The following ACSS3 variants were observed in gnomAD, a reference collection of about 807,000 sequenced individuals.
ACSS3 encodes the protein acyl-CoA synthetase short chain family member 3.
ACSS3 carries 64 observed loss-of-function variants against 84.2 expected under a neutral mutation model. The ratio of observed to expected loss-of-function variants is 0.76; its 90% CI spans 0.62 to 0.94. The LOEUF (loss-of-function observed/expected upper bound fraction) is 0.94, where lower values mean the gene tolerates loss of function less well. Ranked by LOEUF, ACSS3 falls within the 40% of genes least tolerant of loss-of-function variation. The pLI, the probability that ACSS3 is intolerant of heterozygous loss-of-function variation, is 0.00. For synonymous variants in ACSS3, 317 were observed against 310.1 expected (o/e 1.02, Z -0.23); for missense variants, 815 against 867.6 (o/e 0.94, Z 0.76).
chr12:81,123,019 A>C (rs1325301291), intron 2 of ACSS3, among the ~76,000 whole-genome samples: 1 of 152,082 alleles, frequency 6.6e-6, no homozygotes, highest in East Asian at 1.9e-4. Flanking sequence ...TGGCCACCCA[A>C]CTGCTTAACA....
chr12:81,078,133 T>A lies in ACSS3; in HGVS notation c.13T>A (p.Trp5Arg). The A allele has an allele frequency of 3.4e-6, 5 of 1,489,158 alleles. No homozygotes were observed. Among genetic ancestry groups the A allele is most frequent in the Non-Finnish European group, 4.5e-6 (5 of 1,122,674 alleles). The allele number at this position is 1,489,158 out of a possible 1,614,324, so 92.2% of individuals were successfully genotyped here. A position where few individuals can be genotyped will look rare whatever the true frequency, so the allele number is the denominator to read the frequency against. Residue 5 changes from tryptophan (W) to arginine (R), a missense_variant, in exon 1 of 16, where the codon TGG becomes AGG. Coordinates refer to ENST00000548058, the MANE Select transcript of ACSS3 (RefSeq NM_024560.4). Reference sequence around the variant, plus strand: ...GTGGCCGGAGGAGATGAAACCGTCTTGGCTGCAGTGTCGTAAAGTCACCAG... The same window carrying A: ...GTGGCCGGAGGAGATGAAACCGTCTAGGCTGCAGTGTCGTAAAGTCACCAG... MKPSWLQCRKVTSAG... is the reference protein window; with the variant it reads MKPSRLQCRKVTSAG...
intron 2 of ACSS3, among the ~76,000 whole-genome samples, chr12:81,131,307 C>T (rs1354095199): frequency 6.6e-6 from 1 of 152,092 alleles, no homozygotes; most frequent in African/African-American, 2.4e-5. Flanking sequence ...TTTTGTTGAG[C>T]AGTGGTTTGT....
At chr12:81,157,975 C>G (rs1192785376) in intron 7 of ACSS3, among the ~76,000 whole-genome samples, 1 of 146,308 alleles carries the variant, frequency 6.8e-6, no homozygotes, top group African/African-American at 2.6e-5. Context: ...CACACAAATC[C>G]CATAACTAAT....
chr12:81,121,922 T>TATTA (rs1230535626), intron 2 of ACSS3, among the ~76,000 whole-genome samples: 2 of 66,976 alleles, frequency 3.0e-5, no homozygotes, highest in African/African-American at 6.1e-5. Flanking sequence ...GCTATATTAT[T>TATTA]ATTATTATTA....
rs1355503388 is a variant in ACSS3, at chr12:81,257,011, AGAGT to A, written c.*2090_*2093del. ...GTGTTTCCTTATTTTTTTTCAAATAAGAGTCAGTTAATTTGAAATGGCAAATTAT... is the reference window on the plus strand; with the variant it reads ...GTGTTTCCTTATTTTTTTTCAAATAACAGTTAATTTGAAATGGCAAATTAT... On this transcript the variant is annotated 3_prime_UTR_variant, in exon 16 of 16. Transcript: ENST00000548058. 1 of 152,040 alleles carries A rather than the reference AGAGT, an allele frequency of 6.6e-6. No homozygotes were observed. The highest frequency in any genetic ancestry group is 1.5e-5 in the Non-Finnish European group (1 of 67,998). 9.4% of individuals were successfully genotyped at this position (152,040 alleles called of 1,614,324 possible).
intron 2 of ACSS3, among the ~76,000 whole-genome samples, chr12:81,120,970 T>C (rs1439612090): frequency 6.6e-6 from 1 of 152,216 alleles, no homozygotes; most frequent in Non-Finnish European, 1.5e-5. Flanking sequence ...GTTTGTTTTG[T>C]TTATTAGTTA....
chr12:81,196,342 A>G (rs1014700227), intron 8 of ACSS3, among the ~76,000 whole-genome samples: 4 of 152,144 alleles, frequency 2.6e-5, no homozygotes, highest in African/African-American at 9.7e-5. Flanking sequence ...GGCAAGTCCA[A>G]TTTGAGATTT....
chr12:81,084,472 A>C (rs1881191302), intron 1 of ACSS3, among the ~76,000 whole-genome samples: 1 of 152,218 alleles, frequency 6.6e-6, no homozygotes, highest in Non-Finnish European at 1.5e-5. Context: ...TCTGACTTAA[A>C]TGTCCAGATG....
chr12:81,134,528 G>A (rs2574734), intron 2 of ACSS3, among the ~76,000 whole-genome samples: 132,239 of 152,106 alleles, frequency 0.87, 59,007 homozygotes, highest in Non-Finnish European at 0.97. Context: ...TATGTCTGGT[G>A]TATAATAGTT....
chr12:81,173,518 A>T (rs1374025116), intron 7 of ACSS3, among the ~76,000 whole-genome samples: 2 of 151,640 alleles, frequency 1.3e-5, no homozygotes, highest in Non-Finnish European at 2.9e-5. Flanking sequence ...TAAAAATAAT[A>T]AAAAAATAGT....
intron 9 of ACSS3, among the ~76,000 whole-genome samples, chr12:81,211,364 C>T (rs1377456440): frequency 6.6e-6 from 1 of 152,108 alleles, no homozygotes; most frequent in East Asian, 1.9e-4. Context: ...GTAATAATCA[C>T]ATCATGTCAA....
chr12:81,139,100 C>A (rs774943167), intron 3 of ACSS3, 31 bp from the exon 4 acceptor site: 1 of 1,600,680 alleles, frequency 6.2e-7, no homozygotes, highest in South Asian at 1.1e-5. Context: ...ATTGTTAAAG[C>A]TTTCTCTCCA....
intron 1 of ACSS3, among the ~76,000 whole-genome samples, chr12:81,106,052 G>A (rs141983688): frequency 4.6e-4 from 70 of 152,260 alleles, no homozygotes; most frequent in Admixed American, 1.9e-3. Context: ...TAGATCAATG[G>A]GTTTTGAATG....
At chr12:81,178,269 A>T (rs1232722689) in intron 8 of ACSS3, among the ~76,000 whole-genome samples, 1 of 147,558 alleles carries the variant, frequency 6.8e-6, no homozygotes, top group Admixed American at 6.8e-5. Context: ...AACAATGAGA[A>T]CACATGGACA....
intron 5 of ACSS3, among the ~76,000 whole-genome samples, chr12:81,150,517 C>T (rs932642708): frequency 6.6e-5 from 10 of 152,126 alleles, no homozygotes; most frequent in Admixed American, 2.6e-4. Flanking sequence ...GGAAGGTGCA[C>T]GTGTAAAGCC....
chr12:81,123,842 C>A (rs1031231513), intron 2 of ACSS3, among the ~76,000 whole-genome samples: 9 of 152,092 alleles, frequency 5.9e-5, no homozygotes, highest in African/African-American at 2.2e-4. Flanking sequence ...GTATATGTAC[C>A]ACATTTTCTT....
chr12:81,155,975 A>G (rs961305320), intron 7 of ACSS3, among the ~76,000 whole-genome samples: 3 of 152,230 alleles, frequency 2.0e-5, no homozygotes, highest in African/African-American at 7.2e-5. Flanking sequence ...TGCCCACAGA[A>G]TAATTACCAA....
At chr12:81,084,606 AAGAG>A (rs974559584) in intron 1 of ACSS3, among the ~76,000 whole-genome samples, 1 of 152,072 alleles carries the variant, frequency 6.6e-6, no homozygotes, top group South Asian at 2.1e-4. Flanking sequence ...GTTGAAGTGA[AAGAG>A]AGAAAGAAAG....
chr12:81,209,813 C>T (rs1000559451), intron 9 of ACSS3, among the ~76,000 whole-genome samples: 17 of 152,096 alleles, frequency 1.1e-4, no homozygotes, highest in Admixed American at 2.6e-4. Context: ...CCCAGAAGTG[C>T]GGGTCCCTCC....
Sources: allele counts gnomAD v4.1 joint callset (sites outside exome capture counted in the v4.1 genomes callset), GRCh38; gene constraint gnomAD v4.1.1; transcripts MANE v1.5; gene names NCBI Gene and HGNC (gene_info 2026-07-23, HGNC 2026-07-21).